The following ATP10A variants were observed in gnomAD, a reference collection of about 807,000 sequenced individuals.
ATP10A encodes phospholipid-transporting ATPase VA.
In ATP10A, 111 loss-of-function variants were observed where a neutral mutation model predicts 147.8. The ratio of observed to expected loss-of-function variants is 0.75; its 90% CI spans 0.64 to 0.88. The LOEUF (loss-of-function observed/expected upper bound fraction) is 0.88, where lower values mean the gene tolerates loss of function less well. Ranked by LOEUF, ATP10A falls within the 40% of genes least tolerant of loss-of-function variation. The pLI is 0.00. For synonymous variants in ATP10A, 875 were observed against 841.6 expected (o/e 1.04, Z -0.69); for missense variants, 1,927 against 1,959.0 (o/e 0.98, Z 0.31).
rs745521836 is a variant in ATP10A at position 25,713,899 on chromosome 15, C to T, written c.2119G>A (p.Ala707Thr). Residue 707 changes from alanine (A) to threonine (T), a missense_variant, in exon 10 of 21, where the codon GCC becomes ACC. Physicochemically the swap from Ala to Thr is moderately conservative, Grantham distance 58 (BLOSUM62 0). Transcript: ENST00000555815. ...SPDEAALVYA[A>T]RAYNCVLVER... ...ACAAGCACGCAGTTGTAGGCTCTGG[C>T]CGCATACACCAGTGCGGCCTCATCC... The T allele has an allele frequency of 8.1e-6, 13 of 1,613,464 alleles. No homozygotes were observed. In the Admixed American group the frequency reaches 2.2e-4, roughly 27 times the overall value.
rs1010664144 is a variant in ATP10A at position 25,803,149 on chromosome 15, G to A, written c.450-21926C>T. 5.3e-5 allele frequency among the ~76,000 whole-genome samples: 8 copies of A among 152,272 alleles called. No homozygotes were observed. In the East Asian group the frequency reaches 5.8e-4, roughly 11 times the overall value. ...GGGATGTAGCAATCTCGGCACCTGC[G>A]AGGAGGGAGACGGGTAATAAGCAGA... On this transcript the variant is annotated intron_variant, in intron 1 of 20. Coordinates refer to ENST00000555815, the MANE Select transcript of ATP10A (RefSeq NM_024490.4).
intron 3 of ATP10A, among the ~76,000 whole-genome samples, chr15:25,734,348 T>A (rs1887139475): frequency 6.6e-6 from 1 of 152,208 alleles, no homozygotes; most frequent in African/African-American, 2.4e-5. Context: ...GCCCCTTATT[T>A]ATTTATGTTT....
chr15:25,743,580 C>G (rs1338230198), intron 2 of ATP10A, among the ~76,000 whole-genome samples: 1 of 152,222 alleles, frequency 6.6e-6, no homozygotes, highest in Non-Finnish European at 1.5e-5. Flanking sequence ...TTGAGTGGAG[C>G]TCATGAGACA....
chr15:25,778,148 G>C (rs1889713528), intron 2 of ATP10A, among the ~76,000 whole-genome samples: 2 of 151,904 alleles, frequency 1.3e-5, no homozygotes, highest in African/African-American at 4.8e-5. Flanking sequence ...CTTAACCTAA[G>C]CGTTGCAAAT....
At chr15:25,779,297 C>T (rs1481471510) in intron 2 of ATP10A, among the ~76,000 whole-genome samples, 9 of 152,218 alleles carry the variant, frequency 5.9e-5, no homozygotes, top group Non-Finnish European at 1.0e-4. Flanking sequence ...TCCACCTTGT[C>T]TGAGGTTTCA....
In ATP10A at chr15:25,862,998, C is replaced by T. The variant is rs150442256; in HGVS notation, c.99G>A (p.Pro33=). 5.8e-5 allele frequency: 82 copies of T among 1,409,474 alleles called. No individual in the cohort carries two copies. Among genetic ancestry groups the T allele is most frequent in the Non-Finnish European group, 7.1e-5 (77 of 1,091,676 alleles). 87.3% of individuals were successfully genotyped at this position (1,409,474 alleles called of 1,614,324 possible). ...CCGCAGGGTCCTCGGCGCCCGGGGG[C>T]GGCAGCAGGTTGGAGCGCACCGTGC... The part of the protein sequence containing the change: ...RTRTVRSNLL[P]PPGAEDPAAG... Residue 33 remains proline (P), a synonymous_variant, in exon 1 of 21, where the codon CCG becomes CCA. Coordinates refer to ENST00000555815, the MANE Select transcript of ATP10A (RefSeq NM_024490.4).
chr15:25,687,097 G>A lies in ATP10A; in HGVS notation c.3291+606C>T, dbSNP rs901631309. Among the ~76,000 whole-genome samples, 5 of 107,608 alleles carry A rather than the reference G, an allele frequency of 4.6e-5. 2 individuals carry two copies. Among genetic ancestry groups the A allele is most frequent in the Admixed American group, 8.9e-5 (1 of 11,182 alleles). 70.6% of individuals were successfully genotyped at this position (107,608 alleles called of 152,430 possible). On this transcript the variant is annotated intron_variant, in intron 16 of 20. Coordinates refer to ENST00000555815, the MANE Select transcript of ATP10A (RefSeq NM_024490.4). ...TGGGTCTGAGCCTCCCTGACCTAGG[G>A]GCTTGCCGCCTGTCACCTGTCCTGG...
At chr15:25,718,108 C>A in intron 8 of ATP10A, 74 bp downstream of exon 8, 6 of 1,486,780 alleles carry the variant, frequency 4.0e-6, no homozygotes, top group Non-Finnish European at 3.7e-6. Flanking sequence ...ATATAGACAC[C>A]TTCCATGAGC....
At position 25,727,013 on chromosome 15, in the gene ATP10A, C is replaced by G. The variant is rs1252546864; in HGVS notation, c.847+147G>C. On this transcript the variant is annotated intron_variant, in intron 4 of 20. Transcript: ENST00000555815. ...CGGAGCTTGCAGTGAGCCGAGATCGCGCCACTGCACTCCAGCCTGGGCGAC... is the reference window on the plus strand; with the variant it reads ...CGGAGCTTGCAGTGAGCCGAGATCGGGCCACTGCACTCCAGCCTGGGCGAC... 5.3e-6 allele frequency: 3 copies of G among 561,118 alleles called. No individual in the cohort carries two copies. The East Asian group carries it at 9.5e-5, about 18-fold the overall frequency. 34.8% of individuals were successfully genotyped at this position (561,118 alleles called of 1,614,324 possible).
intron 3 of ATP10A, 62 bp from the exon 4 acceptor site, chr15:25,727,328 G>A: frequency 5.2e-6 from 7 of 1,338,194 alleles, no homozygotes; most frequent in South Asian, 1.2e-5. Flanking sequence ...GTCTGGAGCC[G>A]CAATGCCTTG....
In ATP10A at chr15:25,846,483, G is replaced by T. The variant is rs371502374; in HGVS notation, c.449+16165C>A. Among the ~76,000 whole-genome samples, 24 of 152,268 alleles carry T rather than the reference G, an allele frequency of 1.6e-4. No homozygotes were observed. In the East Asian group the frequency reaches 2.5e-3, roughly 16 times the overall value. On this transcript the variant is annotated intron_variant, in intron 1 of 20. Coordinates refer to ENST00000555815, the MANE Select transcript of ATP10A (RefSeq NM_024490.4). Reference sequence around the variant, plus strand: ...ACTTCCAGGAAGTGGAGGAGTCAGAGCGCCCCACCCCTCATGCCTCAACCT... The same window carrying T: ...ACTTCCAGGAAGTGGAGGAGTCAGATCGCCCCACCCCTCATGCCTCAACCT...
intron 1 of ATP10A, among the ~76,000 whole-genome samples, chr15:25,810,392 C>T (rs1254433703): frequency 6.6e-6 from 1 of 152,182 alleles, no homozygotes; most frequent in Non-Finnish European, 1.5e-5. Flanking sequence ...CACTGCTTAT[C>T]AGCAGTTCCA....
intron 1 of ATP10A, among the ~76,000 whole-genome samples, chr15:25,823,086 T>A (rs1039160746): frequency 6.6e-6 from 1 of 152,256 alleles, no homozygotes; most frequent in Non-Finnish European, 1.5e-5. Context: ...ATTAAACTTT[T>A]ATTGTTTTTG....
At position 25,718,446 on chromosome 15, in the gene ATP10A, C is replaced by T. The variant is rs752243709; in HGVS notation, c.1364-47G>A. ...TGAGGCATCATGGGGGAAGGCTGGG[C>T]GGAGCAGAAAGAAACCATTCAGTGT... is the stretch of plus-strand genomic sequence containing the variant. On this transcript the variant is annotated intron_variant, in intron 7 of 20. Transcript: ENST00000555815. 5.2e-6 allele frequency: 8 copies of T among 1,534,116 alleles called. No individual in the cohort carries two copies. In the South Asian group the frequency reaches 8.3e-5, roughly 16 times the overall value.
chr15:25,736,314 AAC>A (rs1429434544), intron 2 of ATP10A, among the ~76,000 whole-genome samples, 173 bp from the exon 3 acceptor site: 1 of 152,242 alleles, frequency 6.6e-6, no homozygotes, highest in Non-Finnish European at 1.5e-5. Flanking sequence ...TATAATAAAT[AAC>A]AGTTAATCAT....
rs1446778245 is a variant in ATP10A, at chr15:25,766,979, AT to A, written c.654+14039del. Among the ~76,000 whole-genome samples the A allele has an allele frequency of 2.0e-5, 3 of 151,336 alleles. No individual in the cohort carries two copies. The East Asian group carries it at 5.8e-4, about 29-fold the overall frequency. ...GACATTCACAGGCAGACATATACAC[AT>A]ACACACACTTTGCCCTGCCTGGTTT... On this transcript the variant is annotated intron_variant, in intron 2 of 20. Coordinates refer to ENST00000555815, the MANE Select transcript of ATP10A (RefSeq NM_024490.4).
chr15:25,783,484 C>CG (rs397746379), intron 1 of ATP10A, among the ~76,000 whole-genome samples: 3 of 147,398 alleles, frequency 2.0e-5, no homozygotes, highest in South Asian at 2.1e-4. Context: ...GGGACCCCCC[C>CG]CTGGCAAAGT....
At chr15:25,781,472 C>T (rs759587936) in intron 1 of ATP10A, among the ~76,000 whole-genome samples, 32 of 151,938 alleles carry the variant, frequency 2.1e-4, no homozygotes, top group Non-Finnish European at 4.1e-4. Context: ...CTGACCAACA[C>T]GGTGAAACTC....
At chr15:25,765,301 T>C (rs181044500) in intron 2 of ATP10A, among the ~76,000 whole-genome samples, 1 of 152,142 alleles carries the variant, frequency 6.6e-6, no homozygotes, top group Non-Finnish European at 1.5e-5. Flanking sequence ...AATGACAACA[T>C]GTGAACAAAG....
Sources: allele counts gnomAD v4.1 joint callset (sites outside exome capture counted in the v4.1 genomes callset), GRCh38; gene constraint gnomAD v4.1.1; transcripts MANE v1.5; gene names NCBI Gene and HGNC (gene_info 2026-07-23, HGNC 2026-07-21).